KCTD1: variants seen among roughly 807,000 people sequenced by gnomAD.
KCTD1 encodes the protein potassium channel tetramerization domain containing 1.
A neutral mutation model predicts 66.0 loss-of-function variants in KCTD1; 24 were observed. That is an observed-to-expected ratio of 0.36 (90% CI 0.26 to 0.51). The LOEUF (loss-of-function observed/expected upper bound fraction) is 0.51. KCTD1 is among the 20% of genes least tolerant of loss of function. KCTD1 has a pLI of 0.95. For missense variants in KCTD1, 943 were observed against 1,205.2 expected, an observed-to-expected ratio of 0.78 and a Z score of 3.22; for synonymous variants, 511 against 517.2, an observed-to-expected ratio of 0.99 and a Z score of 0.16.
At chr18:26,549,144 C>T, upstream of KCTD1, 3 of 984,972 alleles carry the variant, frequency 3.0e-6, no homozygotes, top group Non-Finnish European at 3.6e-6. Context: ...GGAGGAGGCA[C>T]GGCGAGGCCC....
At chr18:26,554,370 G>A (rs1167925403) in intron 1 of KCTD1, among the ~76,000 whole-genome samples, 1 of 146,310 alleles carries the variant, frequency 6.8e-6, no homozygotes, top group Non-Finnish European at 1.5e-5. Flanking sequence ...ACTTTGCCAA[G>A]GTCTTGGACT....
At chr18:26,594,637 C>T (rs1986724927) in intron 1 of KCTD1, among the ~76,000 whole-genome samples, 2 of 152,138 alleles carry the variant, frequency 1.3e-5, no homozygotes. Flanking sequence ...CTGGTGATGG[C>T]TAACTTTATG....
intron 1 of KCTD1, among the ~76,000 whole-genome samples, chr18:26,517,658 CAAAAAAAAAAA>C (rs968619785): frequency 1.5e-4 from 8 of 53,410 alleles, no homozygotes; most frequent in African/African-American, 5.1e-4. Flanking sequence ...ACTCCGTCTC[CAAAAAAAAAAA>C]AAAAAAAAAA....
chr18:26,643,124 A>G (rs116874814), upstream of KCTD1, among the ~76,000 whole-genome samples: 72 of 152,264 alleles, frequency 4.7e-4, 3 homozygotes, highest in East Asian at 0.011. Flanking sequence ...GGAGCCAGAG[A>G]AGCAGATTCT....
chr18:26,653,460 C>T lies in KCTD1; in HGVS notation c.9+3900G>A, dbSNP rs555887967. Among the ~76,000 whole-genome samples, 17 of 152,276 alleles carry T rather than the reference C, an allele frequency of 1.1e-4. No homozygotes were observed. In the East Asian group the frequency reaches 3.1e-3, roughly 28 times the overall value. On this transcript the variant is annotated intron_variant, in intron 1 of 4. Transcript: ENST00000580191. ...TTGGCCCTCTTTAAGTTAATGCTAC[C>T]AGAACCCCATATTCCTCTTCCTTCA... is the stretch of plus-strand genomic sequence containing the variant.
intron 1 of KCTD1, among the ~76,000 whole-genome samples, chr18:26,525,940 A>C (rs545464663): frequency 2.6e-5 from 4 of 152,182 alleles, no homozygotes; most frequent in Non-Finnish European, 4.4e-5. Flanking sequence ...TCCCCCTAGG[A>C]TATAAGCTCT....
intron 1 of KCTD1, among the ~76,000 whole-genome samples, chr18:26,650,786 G>A (rs1988016262): frequency 6.6e-6 from 1 of 152,236 alleles, no homozygotes. Flanking sequence ...CCAGCAAAGT[G>A]AAAGTGCTAC....
At chr18:26,507,428 G>A (rs979392249) in intron 1 of KCTD1, among the ~76,000 whole-genome samples, 2 of 152,152 alleles carry the variant, frequency 1.3e-5, no homozygotes, top group Non-Finnish European at 2.9e-5. Flanking sequence ...AGAATGGAGT[G>A]GTGCTATCAG....
rs748749802 is a variant in KCTD1 at position 26,547,700 on chromosome 18, C to T, written c.837G>A (p.Val279=). ...KLEEQGAGPV[V]QKQAITRADL... ...CGGCGCGCGTGATGGCTTGCTTCTG[C>T]ACCACCGGCCCGGCGCCCTGCTCCT... is the stretch of plus-strand genomic sequence containing the variant. The change falls in exon 1 of 5, where the codon GTG becomes GTA. Residue 279 remains valine, a synonymous_variant. Coordinates refer to ENST00000580059, the MANE Select transcript of KCTD1 (RefSeq NM_001142730.3). 5.2e-6 allele frequency: 8 copies of T among 1,550,058 alleles called. No individual in the cohort carries two copies. The African/African-American group carries it at 9.6e-5, about 19-fold the overall frequency.
chr18:26,459,697 T>C lies in KCTD1; in HGVS notation c.2362A>G (p.Asn788Asp), dbSNP rs750271670. The C allele has an allele frequency of 6.2e-7, 1 of 1,613,864 alleles. No individual in the cohort carries two copies. The highest frequency in any genetic ancestry group is 8.5e-7 in the Non-Finnish European group (1 of 1,179,740). Residue 788 changes from asparagine (N) to aspartate (D), a missense_variant, in exon 4 of 5, where the codon AAT becomes GAT. Physicochemically the swap from Asn to Asp is conservative, Grantham distance 23. Coordinates refer to ENST00000580059, the MANE Select transcript of KCTD1 (RefSeq NM_001142730.3). ...EIGDVMCNSV[N>D]AGWNHDSTHV... ...GTCGAGTCGTGATTCCAGCCTGCAT[T>C]GACAGAGTTACACATCACGTCGCCG... is the stretch of plus-strand genomic sequence containing the variant.
rs1397919216 is a variant in KCTD1 at position 26,534,796 on chromosome 18, T to A, written c.1809+11932A>T. ...AATTCTACCAGAACCCATAGAGATA[T>A]GAGTTTTGCTCCAAACTGATGTACC... On this transcript the variant is annotated intron_variant, in intron 1 of 4. Coordinates refer to ENST00000580059, the MANE Select transcript of KCTD1 (RefSeq NM_001142730.3). Among the ~76,000 whole-genome samples the A allele has an allele frequency of 3.9e-5, 6 of 152,336 alleles. No individual in the cohort carries two copies. The South Asian group carries it at 6.2e-4, about 16-fold the overall frequency.
intron 2 of KCTD1, among the ~76,000 whole-genome samples, chr18:26,480,482 T>TA (rs1981583167): frequency 6.6e-6 from 1 of 152,224 alleles, no homozygotes; most frequent in South Asian, 2.1e-4. Flanking sequence ...ATATTAGCAC[T>TA]CTGAGGCTTG....
chr18:26,548,850 G>A, upstream of KCTD1: 1 of 1,022,568 alleles, frequency 9.8e-7, no homozygotes. Context: ...AAAGGAAAGG[G>A]AGGGAGAGCT....
intron 1 of KCTD1, among the ~76,000 whole-genome samples, chr18:26,526,907 C>G (rs553348348): frequency 6.7e-6 from 1 of 148,558 alleles, no homozygotes; most frequent in South Asian, 2.1e-4. Flanking sequence ...TTTCAAACCA[C>G]AAAATATACA....
At chr18:26,548,702 C>A (rs1251017829), upstream of KCTD1, 4 of 933,038 alleles carry the variant, frequency 4.3e-6, no homozygotes, top group African/African-American at 6.7e-5. Flanking sequence ...GGAGGGGCAG[C>A]GGCGCGCAGG....
At position 26,548,478 on chromosome 18, in the gene KCTD1, G is replaced by A; in HGVS notation, c.59C>T (p.Ala20Val). The change falls in exon 1 of 5, where the codon GCT becomes GTT. Residue 20 changes from alanine (A) to valine (V), a missense_variant. Physicochemically the swap from Ala to Val is moderately conservative, Grantham distance 64 (BLOSUM62 0). Transcript: ENST00000580059. ...ATTGTTCTCGGCGGCGGCGGCGGCA[G>A]CGCTGGCGCTGCCGCCCGCGCTGGT... Reference protein sequence around the residue: ...CNTSAGGSASAAAAAAENNGE... With the variant: ...CNTSAGGSASVAAAAAENNGE... 1 of 1,248,050 alleles carries A rather than the reference G, an allele frequency of 8.0e-7. No individual in the cohort carries two copies. The highest frequency in any genetic ancestry group is 1.0e-6 in the Non-Finnish European group (1 of 1,003,248). 77.3% of individuals were successfully genotyped at this position (1,248,050 alleles called of 1,614,324 possible).
At chr18:26,595,246 A>G (rs59769636) in intron 1 of KCTD1, among the ~76,000 whole-genome samples, 4,710 of 152,250 alleles carry the variant, frequency 0.031, 243 homozygotes, top group African/African-American at 0.1. Flanking sequence ...GCATCACCAT[A>G]CATTTCTTAT....
In KCTD1 at chr18:26,476,685, A is replaced by G; in HGVS notation, c.1989-26T>C. ...CTGTGATAGAAAAGAGGGAACAGTG[A>G]AGACAATTAGATCAATTGTTCGGGC... is the stretch of plus-strand genomic sequence containing the variant. On this transcript the variant is annotated intron_variant, in intron 2 of 4. Coordinates refer to ENST00000580059, the MANE Select transcript of KCTD1 (RefSeq NM_001142730.3). The surrounding 1 kb of genome is among the most constrained non-coding windows in gnomAD (Gnocchi z 4.9). 6.2e-7 allele frequency: 1 copy of G among 1,606,644 alleles called. No homozygotes were observed. Among genetic ancestry groups the G allele is most frequent in the South Asian group, 1.1e-5 (1 of 89,734 alleles).
chr18:26,488,232 C>T (rs776161971), intron 2 of KCTD1, among the ~76,000 whole-genome samples: 25 of 151,882 alleles, frequency 1.6e-4, no homozygotes, highest in Non-Finnish European at 2.9e-4. Flanking sequence ...GTTGATACAA[C>T]AACCTTTATT....
Sources: allele counts gnomAD v4.1 joint callset (sites outside exome capture counted in the v4.1 genomes callset), GRCh38; gene constraint gnomAD v4.1.1; non-coding constraint Gnocchi (gnomAD v3.1); transcripts MANE v1.5; gene names NCBI Gene and HGNC (gene_info 2026-07-23, HGNC 2026-07-21).